The following UTP6 variants were observed in gnomAD, a reference collection of about 807,000 sequenced individuals.
UTP6 encodes UTP6 small subunit processome component, also known as U3 small nucleolar RNA-associated protein 6 homolog.
A neutral mutation model predicts 96.5 loss-of-function variants in UTP6; 60 were observed. The ratio of observed to expected loss-of-function variants is 0.62; its 90% CI spans 0.51 to 0.77. The LOEUF is 0.77. UTP6 is among the 30% of genes least tolerant of loss of function. The pLI is 0.00. For synonymous variants in UTP6, 215 were observed against 240.1 expected, an observed-to-expected ratio of 0.90 and a Z score of 0.96; for missense variants, 637 against 706.5, an observed-to-expected ratio of 0.90 and a Z score of 1.12.
At chr17:31,870,744 C>A (rs545786126) in intron 16 of UTP6, among the ~76,000 whole-genome samples, 1 of 151,836 alleles carries the variant, frequency 6.6e-6, no homozygotes, top group African/African-American at 2.4e-5. Flanking sequence ...AGGATGGTCT[C>A]GATCTCCTGA....
chr17:31,878,491 C>A (rs551036116), intron 12 of UTP6, among the ~76,000 whole-genome samples, 164 bp from the exon 13 acceptor site: 1 of 152,132 alleles, frequency 6.6e-6, no homozygotes, highest in Admixed American at 6.6e-5. Flanking sequence ...GCAGCTGCAC[C>A]GAACAGAGCC....
chr17:31,881,814 C>A (rs924557524), intron 10 of UTP6, among the ~76,000 whole-genome samples: 2 of 152,078 alleles, frequency 1.3e-5, no homozygotes, highest in African/African-American at 4.8e-5. Context: ...CCACCTCAGC[C>A]TCCCATGTAG....
In UTP6 at chr17:31,863,398, A is replaced by G; in HGVS notation, c.1755T>C (p.Phe585=). 6.2e-7 allele frequency: 1 copy of G among 1,614,126 alleles called. No individual in the cohort carries two copies. Among genetic ancestry groups the G allele is most frequent in the Admixed American group, 1.7e-5 (1 of 59,998 alleles). ...KMLQGESAEA[F]VAKHAMHQTG... The stretch of plus-strand genomic sequence containing the variant: ...TCTGATGCATAGCATGTTTAGCTAC[A>G]AATGCCTCTGCTGACTCTCCCTGCA... Residue 585 remains phenylalanine (F), a synonymous_variant, in exon 19 of 19, where the codon TTT becomes TTC. Transcript: ENST00000261708.
At chr17:31,891,714 G>C (rs1911502083) in intron 6 of UTP6, among the ~76,000 whole-genome samples, 1 of 152,094 alleles carries the variant, frequency 6.6e-6, no homozygotes, top group African/African-American at 2.4e-5. Context: ...AGTTTATTTT[G>C]CCATCATCTA....
chr17:31,877,573 T>C (rs1910565489), intron 13 of UTP6, among the ~76,000 whole-genome samples: 1 of 152,180 alleles, frequency 6.6e-6, no homozygotes, highest in Non-Finnish European at 1.5e-5. Flanking sequence ...GGATCATGCC[T>C]GTAATCTCAG....
At chr17:31,901,404 A>T in intron 1 of UTP6, 132 bp downstream of exon 1, 1 of 800,932 alleles carries the variant, frequency 1.2e-6, no homozygotes, top group Non-Finnish European at 2.0e-6. Flanking sequence ...ATCACCGAAA[A>T]CGAGAAATGG....
At chr17:31,885,364 C>A (rs995781054) in intron 9 of UTP6, among the ~76,000 whole-genome samples, 1 of 151,422 alleles carries the variant, frequency 6.6e-6, no homozygotes, top group Non-Finnish European at 1.5e-5. Flanking sequence ...AGGCTGGTCG[C>A]AAACTCCTGA....
chr17:31,885,952 C>A (rs758216672), intron 9 of UTP6, 28 bp downstream of exon 9: 2 of 1,584,060 alleles, frequency 1.3e-6, no homozygotes, highest in Non-Finnish European at 1.7e-6. Context: ...CACTTTCCTA[C>A]CAAAAATAAT....
chr17:31,877,101 T>C (rs1910542497), intron 13 of UTP6, among the ~76,000 whole-genome samples: 1 of 151,942 alleles, frequency 6.6e-6, no homozygotes, highest in Non-Finnish European at 1.5e-5. Context: ...TCAAACAGAG[T>C]TGGACATAAC....
chr17:31,880,840 T>A (rs1349691430), intron 10 of UTP6, 86 bp from the exon 11 acceptor site: 5 of 1,556,288 alleles, frequency 3.2e-6, no homozygotes, highest in African/African-American at 2.7e-5. Context: ...GCTTAAAAAA[T>A]CTACACAGGA....
chr17:31,894,406 A>G (rs907361407), intron 4 of UTP6, among the ~76,000 whole-genome samples: 1 of 152,130 alleles, frequency 6.6e-6, no homozygotes, highest in African/African-American at 2.4e-5. Context: ...AATCCTTAGT[A>G]ATGTATCAAA....
rs1245172517 is a variant in UTP6, at chr17:31,894,577, TC to T, written c.312+67del. 7.5e-6 allele frequency: 8 copies of T among 1,072,040 alleles called. No individual in the cohort carries two copies. The African/African-American group carries it at 1.1e-4, about 15-fold the overall frequency. 66.4% of individuals were successfully genotyped at this position (1,072,040 alleles called of 1,614,324 possible). Reference sequence around the variant, plus strand: ...ATAAAAATAGAAAACTGCATTTGAATCCCTAATACAATATGTATAATACTTA... The same window carrying T: ...ATAAAAATAGAAAACTGCATTTGAATCCTAATACAATATGTATAATACTTA... On this transcript the variant is annotated intron_variant, in intron 4 of 18. Transcript: ENST00000261708.
At chr17:31,875,461 C>T (rs373752588) in intron 13 of UTP6, 48 bp from the exon 14 acceptor site, 12 of 1,590,442 alleles carry the variant, frequency 7.5e-6, no homozygotes, top group Non-Finnish European at 1.0e-5. Flanking sequence ...GAAACCCAAA[C>T]AATCTATGTA....
intron 2 of UTP6, among the ~76,000 whole-genome samples, chr17:31,895,278 G>T (rs1904566658): frequency 6.6e-6 from 1 of 152,138 alleles, no homozygotes; most frequent in African/African-American, 2.4e-5. Flanking sequence ...ACCCCATGCA[G>T]CTACAATGCA....
intron 16 of UTP6, among the ~76,000 whole-genome samples, chr17:31,871,915 C>T (rs1256391053): frequency 6.6e-6 from 1 of 151,160 alleles, no homozygotes; most frequent in Non-Finnish European, 1.5e-5. Flanking sequence ...ATATTTAGGC[C>T]GGGCACAGTG....
At chr17:31,882,116 C>T (rs890199497) in intron 10 of UTP6, among the ~76,000 whole-genome samples, 2 of 152,114 alleles carry the variant, frequency 1.3e-5, no homozygotes, top group Admixed American at 1.3e-4. Context: ...CTATAACCTC[C>T]GCCTCCTGGG....
intron 10 of UTP6, among the ~76,000 whole-genome samples, chr17:31,881,078 A>C (rs187054022): frequency 6.6e-6 from 1 of 151,962 alleles, no homozygotes; most frequent in Admixed American, 6.6e-5. Context: ...AGAGAGGCTG[A>C]GACAGGAGAA....
intron 16 of UTP6, among the ~76,000 whole-genome samples, chr17:31,872,072 G>A (rs944232990): frequency 6.6e-6 from 1 of 151,800 alleles, no homozygotes; most frequent in Non-Finnish European, 1.5e-5. Flanking sequence ...GCACATGCCT[G>A]TAATCCCAGC....
chr17:31,862,393 T>G lies in UTP6; in HGVS notation c.*966A>C, dbSNP rs1909589820. On this transcript the variant is annotated 3_prime_UTR_variant, in exon 19 of 19. Transcript: ENST00000261708. Reference sequence around the variant, plus strand: ...AATTCATTAAATGTTTTTAAGGCTATTTAATGACACAGAAAAACAATACTA... The same window carrying G: ...AATTCATTAAATGTTTTTAAGGCTAGTTAATGACACAGAAAAACAATACTA... The G allele has an allele frequency of 6.6e-6, 1 of 152,184 alleles. No homozygotes were observed. Among genetic ancestry groups the G allele is most frequent in the South Asian group, 2.1e-4 (1 of 4,834 alleles). The allele number at this position is 152,184 out of a possible 1,614,324, so 9.4% of individuals were successfully genotyped here.
Sources: gnomAD v4.1 joint callset for allele counts (sites outside exome capture counted in the v4.1 genomes callset) on GRCh38, gnomAD v4.1.1 for gene constraint, MANE v1.5 for transcripts, NCBI Gene and HGNC (gene_info 2026-07-23, HGNC 2026-07-21) for gene names.